GLMN: variants seen among roughly 807,000 people sequenced by gnomAD.
GLMN encodes the protein glomulin, FKBP associated protein.
In GLMN, 75 loss-of-function variants were observed where a neutral mutation model predicts 87.8. The observed-to-expected ratio is 0.85, with a 90% CI of 0.71 to 1.04. GLMN has a LOEUF of 1.04. Ranked by LOEUF, GLMN falls within the 50% of genes least tolerant of loss-of-function variation. The pLI, the probability that GLMN is intolerant of heterozygous loss-of-function variation, is 0.00. For synonymous variants in GLMN, 206 were observed against 221.6 expected, an observed-to-expected ratio of 0.93 and a Z score of 0.63; for missense variants, 588 against 658.8, an observed-to-expected ratio of 0.89 and a Z score of 1.18.
At chr1:92,317,274 C>G in the GLMN span, among the ~76,000 whole-genome samples, 1 of 151,930 alleles carries the variant, frequency 6.6e-6, no homozygotes, top group Admixed American at 6.6e-5. Flanking sequence ...TTTGGGAGGC[C>G]GAGGCGGGTG....
intron 7 of GLMN, among the ~76,000 whole-genome samples, chr1:92,285,904 T>C (rs1252441615): frequency 1.3e-5 from 2 of 152,232 alleles, no homozygotes; most frequent in African/African-American, 4.8e-5. Flanking sequence ...GCCAAATTGC[T>C]TTTAAAATAA....
chr1:92,281,508 CAA>C (rs1405557861), intron 7 of GLMN, among the ~76,000 whole-genome samples: 1 of 152,196 alleles, frequency 6.6e-6, no homozygotes, highest in East Asian at 1.9e-4. Flanking sequence ...CCAGCTACTG[CAA>C]AAACATGCCA....
chr1:92,345,287 G>C, the GLMN span, among the ~76,000 whole-genome samples: 1 of 150,172 alleles, frequency 6.7e-6, no homozygotes, highest in African/African-American at 2.5e-5. Flanking sequence ...GATCTCTTGA[G>C]CCCAGGAATT....
Position 92,260,977 on chromosome 1 carries a change from T to C in GLMN, c.1473+1886A>G, listed in dbSNP as rs146832117. ...CTGTGTTCCATATCTAACACACCTA[T>C]CAATCCTAATCAACAAGATTCCTTT... On this transcript the variant is annotated intron_variant, in intron 16 of 18. Transcript: ENST00000370360. Among the ~76,000 whole-genome samples, 89 of 152,288 alleles carry C rather than the reference T, an allele frequency of 5.8e-4. 1 individual carries two copies. In the East Asian group the frequency reaches 0.013, roughly 22 times the overall value.
intron 16 of GLMN, among the ~76,000 whole-genome samples, chr1:92,251,126 A>G (rs1050720201): frequency 6.6e-6 from 1 of 152,222 alleles, no homozygotes; most frequent in Admixed American, 6.5e-5. Flanking sequence ...AAGGTAAAGG[A>G]TTTAAAAATA....
chr1:92,364,343 A>C, the GLMN span, among the ~76,000 whole-genome samples: 1 of 152,172 alleles, frequency 6.6e-6, no homozygotes, highest in Non-Finnish European at 1.5e-5. Context: ...GAAGAGTACT[A>C]ATGAGATAAT....
At chr1:92,282,128 T>C (rs983706421) in intron 7 of GLMN, among the ~76,000 whole-genome samples, 11 of 152,214 alleles carry the variant, frequency 7.2e-5, no homozygotes, top group Admixed American at 5.9e-4. Flanking sequence ...GTGGACCTAA[T>C]AGACATCTAC....
the GLMN span, chr1:92,333,462 G>A: frequency 3.7e-6 from 6 of 1,611,524 alleles, no homozygotes; most frequent in Non-Finnish European, 5.1e-6. Flanking sequence ...TACTTGAAAA[G>A]TTGAGTAAAG....
At chr1:92,285,545 A>G (rs1448886789) in intron 7 of GLMN, among the ~76,000 whole-genome samples, 1 of 152,212 alleles carries the variant, frequency 6.6e-6, no homozygotes, top group African/African-American at 2.4e-5. Context: ...GCAAACCAAC[A>G]TGGCACATGT....
chr1:92,301,740 TAAAC>T (rs1650872499), upstream of GLMN: 2 of 405,198 alleles, frequency 4.9e-6, no homozygotes, highest in East Asian at 3.8e-5. Context: ...CATTTAAAAA[TAAAC>T]AACTATCATG....
At chr1:92,271,681 A>C in intron 7 of GLMN, 29 bp from the exon 8 acceptor site, 1 of 1,501,032 alleles carries the variant, frequency 6.7e-7, no homozygotes, top group Admixed American at 1.7e-5. Flanking sequence ...AGGAAACCAT[A>C]GCACACAGAC....
At chr1:92,270,066 G>A (rs985640230) in intron 8 of GLMN, among the ~76,000 whole-genome samples, 1 of 152,094 alleles carries the variant, frequency 6.6e-6, no homozygotes, top group Non-Finnish European at 1.5e-5. Flanking sequence ...GAACATGAAG[G>A]CAGAGAACAG....
At chr1:92,368,547 G>T in the GLMN span, among the ~76,000 whole-genome samples, 8 of 151,982 alleles carry the variant, frequency 5.3e-5, no homozygotes, top group Non-Finnish European at 1.0e-4. Context: ...CAAAATTATG[G>T]GTACCTTACT....
chr1:92,262,047 C>CG lies in GLMN; in HGVS notation c.1473+815dup, dbSNP rs1239608500. Among the ~76,000 whole-genome samples, 9 of 152,086 alleles carry CG rather than the reference C, an allele frequency of 5.9e-5. 1 individual carries two copies. Among genetic ancestry groups the CG allele is most frequent in the African/African-American group, 1.4e-4 (6 of 41,470 alleles). On this transcript the variant is annotated intron_variant, in intron 16 of 18. Transcript: ENST00000370360. ...CTATTTTCAGCTGAAGAGGGATGAA[C>CG]GGGGGTTCAAATCACTGAATCTACT... is the stretch of plus-strand genomic sequence containing the variant.
In GLMN at chr1:92,267,899, C is replaced by T. The variant is rs757232570; in HGVS notation, c.1098+14G>A. On this transcript the variant is annotated intron_variant, in intron 11 of 18. Transcript: ENST00000370360. ...AAGGGCTATTTTCAATATTAGAATA[C>T]ATATTTTATTTACCTGAGGTACAGT... 2 of 1,143,262 alleles carry T rather than the reference C, an allele frequency of 1.7e-6. No homozygotes were observed. The highest frequency in any genetic ancestry group is 3.0e-5 in the African/African-American group (2 of 66,128). The allele number at this position is 1,143,262 out of a possible 1,614,324, so 70.8% of individuals were successfully genotyped here.
At chr1:92,363,213 A>G in the GLMN span, among the ~76,000 whole-genome samples, 1 of 152,196 alleles carries the variant, frequency 6.6e-6, no homozygotes, top group African/African-American at 2.4e-5. Context: ...GGTAGGAAAG[A>G]GATTGAACAG....
At chr1:92,300,080 T>A (rs538069416), upstream of GLMN, 11 of 694,200 alleles carry the variant, frequency 1.6e-5, no homozygotes, top group East Asian at 2.7e-4. Context: ...TATCTAAACA[T>A]AGAAAAGGTA....
chr1:92,357,362 A>G, the GLMN span, among the ~76,000 whole-genome samples: 1 of 152,242 alleles, frequency 6.6e-6, no homozygotes, highest in East Asian at 1.9e-4. Context: ...TTGGGAGGTT[A>G]TAACAGAAGT....
At chr1:92,308,899 G>T in the GLMN span, among the ~76,000 whole-genome samples, 1 of 152,108 alleles carries the variant, frequency 6.6e-6, no homozygotes, top group Admixed American at 6.6e-5. Flanking sequence ...GGCGGAGGTT[G>T]CAGTGAGCCA....
Sources: allele counts gnomAD v4.1 joint callset (sites outside exome capture counted in the v4.1 genomes callset), GRCh38; gene constraint gnomAD v4.1.1; transcripts MANE v1.5; gene names NCBI Gene and HGNC (gene_info 2026-07-23, HGNC 2026-07-21).